The following RGPD2 variants were observed in gnomAD, a reference collection of about 807,000 sequenced individuals.
The protein encoded by RGPD2 is RANBP2 like and GRIP domain containing 2, also known as RANBP2-like and GRIP domain-containing protein 2.
A neutral mutation model predicts 36.0 loss-of-function variants in RGPD2; 2 were observed. The ratio of observed to expected loss-of-function variants is 0.06; its 90% CI spans 0.02 to 0.17. The LOEUF is 0.17. Among genes scored for constraint, RGPD2 ranks in the 10% least tolerant of loss-of-function variants. The pLI is 1.00. For missense variants in RGPD2, 40 were observed against 464.3 expected (o/e 0.09, Z 8.40); for synonymous variants, 19 against 163.8 (o/e 0.12, Z 6.75).
the RGPD2 span, among the ~76,000 whole-genome samples, chr2:87,973,918 G>A: frequency 3.3e-5 from 5 of 151,458 alleles, no homozygotes; most frequent in African/African-American, 4.9e-5. Context: ...CTAAACAAAT[G>A]CTAGCCTGGT....
At chr2:87,972,959 T>A in the RGPD2 span, 2 of 1,613,938 alleles carry the variant, frequency 1.2e-6, no homozygotes, top group Admixed American at 1.7e-5. Context: ...TCATGGGGCA[T>A]GCCATGGGGC....
chr2:87,985,319 T>C, the RGPD2 span, among the ~76,000 whole-genome samples: 7 of 150,830 alleles, frequency 4.6e-5, no homozygotes, highest in Admixed American at 1.3e-4. Flanking sequence ...AAAAAGACAA[T>C]CTTATCTTCA....
chr2:87,903,598 T>C, the RGPD2 span, among the ~76,000 whole-genome samples: 1 of 151,050 alleles, frequency 6.6e-6, no homozygotes, highest in African/African-American at 2.4e-5. Flanking sequence ...AGTACAACAC[T>C]CCTTTCCACT....
the RGPD2 span, among the ~76,000 whole-genome samples, chr2:87,957,231 G>T: frequency 3.0e-5 from 1 of 33,568 alleles, no homozygotes; most frequent in African/African-American, 5.3e-5. Flanking sequence ...TTTAGACAAG[G>T]TCACTGGGGG....
At chr2:87,876,629 G>A in the RGPD2 span, among the ~76,000 whole-genome samples, 2 of 152,280 alleles carry the variant, frequency 1.3e-5, no homozygotes, top group Non-Finnish European at 2.9e-5. Context: ...ATCTGATTAT[G>A]TCATCAATTT....
the RGPD2 span, among the ~76,000 whole-genome samples, chr2:87,882,356 A>T: frequency 6.6e-6 from 1 of 152,226 alleles, no homozygotes; most frequent in Non-Finnish European, 1.5e-5. Context: ...TGTAGAGATT[A>T]TCCTTTCTCC....
At chr2:87,815,193 T>C (rs988299613) in intron 4 of RGPD2, among the ~76,000 whole-genome samples, 19 of 145,664 alleles carry the variant, frequency 1.3e-4, no homozygotes, top group Non-Finnish European at 2.4e-4. Context: ...GATTTTGATA[T>C]TGTGCTTTGG....
the RGPD2 span, chr2:87,989,159 T>G: frequency 1.8e-6 from 1 of 548,090 alleles, no homozygotes; most frequent in Non-Finnish European, 3.0e-6. Flanking sequence ...CATGGAGCCA[T>G]TACTCAGTTC....
At chr2:87,933,698 C>G in the RGPD2 span, among the ~76,000 whole-genome samples, 1 of 149,600 alleles carries the variant, frequency 6.7e-6, no homozygotes, top group Non-Finnish European at 1.5e-5. Flanking sequence ...CTTTCCTCCA[C>G]TTTGTCTTTT....
At chr2:87,825,057 C>A in intron 1 of RGPD2, 1 of 389,988 alleles carries the variant, frequency 2.6e-6, no homozygotes, top group South Asian at 1.3e-4. Flanking sequence ...CCCCCCTCAC[C>A]AAAGCCCATA....
the RGPD2 span, among the ~76,000 whole-genome samples, chr2:87,846,406 T>G: frequency 6.6e-6 from 1 of 152,112 alleles, no homozygotes; most frequent in African/African-American, 2.4e-5. Context: ...ATTAGATTAT[T>G]TATACATTAT....
chr2:87,834,787 C>T, the RGPD2 span, among the ~76,000 whole-genome samples: 1 of 151,972 alleles, frequency 6.6e-6, no homozygotes, highest in African/African-American at 2.4e-5. Flanking sequence ...TTATTGTAAT[C>T]TCACACGAAC....
the RGPD2 span, among the ~76,000 whole-genome samples, chr2:87,980,104 CT>C: frequency 6.6e-6 from 1 of 152,078 alleles, no homozygotes; most frequent in Non-Finnish European, 1.5e-5. Flanking sequence ...AATCCCAGCA[CT>C]TTGGGACACC....
At chr2:87,772,802 G>A (rs1406748544) in intron 21 of RGPD2, among the ~76,000 whole-genome samples, 4 of 150,316 alleles carry the variant, frequency 2.7e-5, no homozygotes, top group African/African-American at 7.3e-5. Flanking sequence ...AGGTGGAAAT[G>A]AGTCAGTCCA....
At chr2:87,830,239 G>A (rs1672444878), upstream of RGPD2, among the ~76,000 whole-genome samples, 3 of 152,264 alleles carry the variant, frequency 2.0e-5, no homozygotes, top group Admixed American at 1.3e-4. Context: ...GCAGGGTACA[G>A]GCTCTCTCCT....
At chr2:87,947,400 T>C in the RGPD2 span, among the ~76,000 whole-genome samples, 1 of 152,302 alleles carries the variant, frequency 6.6e-6, no homozygotes, top group South Asian at 2.1e-4. Context: ...ACTTCCTGGG[T>C]CAAGTAGGGG....
chr2:87,827,086 C>G (rs1299391796), upstream of RGPD2, among the ~76,000 whole-genome samples: 1 of 151,522 alleles, frequency 6.6e-6, no homozygotes, highest in Non-Finnish European at 1.5e-5. Context: ...CTTTCTCTCT[C>G]TCTCGTGCTC....
the RGPD2 span, among the ~76,000 whole-genome samples, chr2:87,912,047 G>A: frequency 2.9e-4 from 44 of 151,836 alleles, 1 homozygote; most frequent in South Asian, 5.4e-3. Flanking sequence ...CTTCCATCTC[G>A]AAGATACCAG....
At chr2:87,964,845 G>C in the RGPD2 span, among the ~76,000 whole-genome samples, 1 of 112,890 alleles carries the variant, frequency 8.9e-6, no homozygotes, top group African/African-American at 2.9e-5. Flanking sequence ...GTCTTGCTTT[G>C]TCTGAATATG....
Sources: allele counts gnomAD v4.1 joint callset (sites outside exome capture counted in the v4.1 genomes callset), GRCh38; gene constraint gnomAD v4.1.1; transcripts MANE v1.5; gene names NCBI Gene and HGNC (gene_info 2026-07-23, HGNC 2026-07-21).